Variants in PAMR1 observed in about 807,000 individuals in gnomAD.
PAMR1 encodes peptidase domain containing associated with muscle regeneration 1.
In PAMR1, 88 loss-of-function variants were observed where a neutral mutation model predicts 81.8. The observed-to-expected ratio is 1.08, with a 90% CI of 0.91 to 1.28. The LOEUF (loss-of-function observed/expected upper bound fraction) is 1.28, where lower values mean the gene tolerates loss of function less well. PAMR1 is among the 50% of genes most tolerant of loss of function. The pLI, the probability that PAMR1 is intolerant of heterozygous loss-of-function variation, is 0.00. For synonymous variants in PAMR1, 336 were observed against 345.3 expected, an observed-to-expected ratio of 0.97 and a Z score of 0.30; for missense variants, 935 against 919.7, an observed-to-expected ratio of 1.02 and a Z score of -0.21.
chr11:35,442,181 G>C (rs994074682), intron 6 of PAMR1, among the ~76,000 whole-genome samples: 2 of 152,166 alleles, frequency 1.3e-5, no homozygotes, highest in Admixed American at 6.5e-5. Context: ...AGTGAATTTA[G>C]ATTTTATATT....
intron 3 of PAMR1, among the ~76,000 whole-genome samples, chr11:35,480,923 C>G (rs986629793): frequency 6.6e-6 from 1 of 152,154 alleles, no homozygotes; most frequent in African/African-American, 2.4e-5. Flanking sequence ...TCTCATTGTT[C>G]AGCTCCCACT....
At chr11:35,462,352 A>G (rs1257891386) in intron 6 of PAMR1, among the ~76,000 whole-genome samples, 1 of 152,152 alleles carries the variant, frequency 6.6e-6, no homozygotes, top group Non-Finnish European at 1.5e-5. Flanking sequence ...GGGATTCAGT[A>G]TTTCTTTACA....
chr11:35,523,629 G>A lies in PAMR1; in HGVS notation c.73+1884C>T, dbSNP rs568650372. 4.5e-4 allele frequency among the ~76,000 whole-genome samples: 68 copies of A among 152,326 alleles called. 1 individual carries two copies. The highest frequency in any genetic ancestry group is 2.9e-3 in the South Asian group (14 of 4,828). The stretch of plus-strand genomic sequence containing the variant: ...TAGAAAAGTTAATTAGAGGAAATAC[G>A]CTTCCAAGCTTTTCTTGCCTGGGGC... On this transcript the variant is annotated intron_variant, in intron 1 of 10. Coordinates refer to ENST00000619888, the MANE Select transcript of PAMR1 (RefSeq NM_001001991.3).
chr11:35,497,765 G>T (rs1376544970), intron 1 of PAMR1, among the ~76,000 whole-genome samples: 1 of 152,102 alleles, frequency 6.6e-6, no homozygotes, highest in Non-Finnish European at 1.5e-5. Flanking sequence ...TCACTGTACT[G>T]ATATTTATTA....
intron 3 of PAMR1, among the ~76,000 whole-genome samples, chr11:35,489,450 G>A (rs77749939): frequency 8.5e-5 from 13 of 152,196 alleles, no homozygotes; most frequent in South Asian, 6.2e-4. Context: ...CCCCTGAAGC[G>A]CTGCAATCGC....
chr11:35,507,382 C>T (rs1850984268), intron 1 of PAMR1, among the ~76,000 whole-genome samples: 1 of 150,416 alleles, frequency 6.6e-6, no homozygotes, highest in South Asian at 2.1e-4. Flanking sequence ...TGATTCTTTC[C>T]TCTGTGTGAT....
chr11:35,463,637 G>A (rs947570775), intron 6 of PAMR1, among the ~76,000 whole-genome samples: 2 of 152,192 alleles, frequency 1.3e-5, no homozygotes, highest in Non-Finnish European at 2.9e-5. Flanking sequence ...GGTTGCTGAC[G>A]GTGTTGGCAG....
At chr11:35,507,325 G>A (rs561385586) in intron 1 of PAMR1, among the ~76,000 whole-genome samples, 4 of 152,064 alleles carry the variant, frequency 2.6e-5, no homozygotes, top group East Asian at 1.9e-4. Context: ...GGGATTACAC[G>A]CATGAGCCAC....
intron 6 of PAMR1, among the ~76,000 whole-genome samples, chr11:35,463,372 A>G (rs1233937356): frequency 6.6e-6 from 1 of 152,158 alleles, no homozygotes; most frequent in Non-Finnish European, 1.5e-5. Flanking sequence ...ATTGTGCCCC[A>G]AGAGTTAGCC....
At chr11:35,508,672 A>C (rs549468820) in intron 1 of PAMR1, among the ~76,000 whole-genome samples, 2 of 152,052 alleles carry the variant, frequency 1.3e-5, no homozygotes, top group South Asian at 4.2e-4. Flanking sequence ...ATATCTTTTT[A>C]TGCTCATTCT....
rs560754136 is a variant in PAMR1, at chr11:35,468,001, G to A, written c.820C>T (p.Leu274Phe). 1.6e-5 allele frequency: 25 copies of A among 1,547,974 alleles called. No homozygotes were observed. Among genetic ancestry groups the A allele is most frequent in the East Asian group, 4.8e-5 (2 of 41,798 alleles). Reference protein sequence around the residue: ...AGYTGQRCENLLEERNCSDPG... With the variant: ...AGYTGQRCENFLEERNCSDPG... Reference sequence around the variant, plus strand: ...ACTCCCACTTAGGAAGCATACTCACGATTTTCACAGCGCTGCCCAGTATAG... The same window carrying A: ...ACTCCCACTTAGGAAGCATACTCACAATTTTCACAGCGCTGCCCAGTATAG... Residue 274 changes from leucine (L) to phenylalanine (F), a missense_variant and splice_region_variant, in exon 6 of 11, where the codon CTC (leucine) becomes TTC (phenylalanine). Coordinates refer to ENST00000619888, the MANE Select transcript of PAMR1 (RefSeq NM_001001991.3).
intron 9 of PAMR1, among the ~76,000 whole-genome samples, chr11:35,435,498 G>A (rs905659381): frequency 5.9e-5 from 9 of 152,148 alleles, no homozygotes; most frequent in Non-Finnish European, 1.0e-4. Context: ...ATGAGCCACC[G>A]GTGCCCAATC....
intron 3 of PAMR1, among the ~76,000 whole-genome samples, chr11:35,490,474 A>G (rs534444978): frequency 1.3e-5 from 2 of 152,334 alleles, no homozygotes; most frequent in African/African-American, 4.8e-5. Flanking sequence ...CTCTAATTAC[A>G]ACTATCTCAA....
chr11:35,467,786 G>A (rs1376256108), intron 6 of PAMR1, among the ~76,000 whole-genome samples: 1 of 152,144 alleles, frequency 6.6e-6, no homozygotes, highest in Non-Finnish European at 1.5e-5. Context: ...AGTGAGGGTT[G>A]GAAATGTCAA....
chr11:35,467,975 A>T, intron 6 of PAMR1, 26 bp downstream of exon 6: 1 of 1,419,930 alleles, frequency 7.0e-7, no homozygotes, highest in Non-Finnish European at 9.7e-7. Flanking sequence ...CTGACACCTT[A>T]ACTCCCACTT....
chr11:35,434,563 C>T lies in PAMR1; in HGVS notation c.1575G>A (p.Gly525=). ...CCCGGTCATCATCCCGGTAGAATTTCCCCAAAACAACTTTCAGGTCTGCTG... is the reference window on the plus strand; with the variant it reads ...CCCGGTCATCATCCCGGTAGAATTTTCCCAAAACAACTTTCAGGTCTGCTG... ...IKTADLKVVL[G]KFYRDDDRDE... Residue 525 remains glycine, a synonymous_variant, in exon 10 of 11, where the codon GGG becomes GGA. Transcript: ENST00000619888. 2 of 1,614,016 alleles carry T rather than the reference C, an allele frequency of 1.2e-6. No homozygotes were observed. Among genetic ancestry groups the T allele is most frequent in the Non-Finnish European group, 1.7e-6 (2 of 1,180,022 alleles).
chr11:35,493,717 T>C (rs1436456015), intron 2 of PAMR1, among the ~76,000 whole-genome samples: 1 of 152,194 alleles, frequency 6.6e-6, no homozygotes, highest in Non-Finnish European at 1.5e-5. Context: ...TGCTTCTCTA[T>C]CATAGCACTT....
intron 1 of PAMR1, among the ~76,000 whole-genome samples, chr11:35,502,627 A>G (rs1850869988): frequency 6.6e-6 from 1 of 152,084 alleles, no homozygotes; most frequent in Admixed American, 6.6e-5. Flanking sequence ...TCCATGGTGT[A>G]TATGTACCAC....
chr11:35,450,070 C>A (rs1856379485), intron 6 of PAMR1, among the ~76,000 whole-genome samples: 1 of 121,960 alleles, frequency 8.2e-6, no homozygotes. Context: ...ATTTGATAAG[C>A]TTTCTTTCCT....
Sources: gnomAD v4.1 joint callset for allele counts (sites outside exome capture counted in the v4.1 genomes callset) on GRCh38, gnomAD v4.1.1 for gene constraint, MANE v1.5 for transcripts, NCBI Gene and HGNC (gene_info 2026-07-23, HGNC 2026-07-21) for gene names.